DST: variants seen among roughly 807,000 people sequenced by gnomAD.
DST encodes the protein dystonin, also known as bullous pemphigoid antigen.
DST carries 253 observed loss-of-function variants against 875.2 expected under a neutral mutation model. The observed-to-expected ratio is 0.29, with a 90% CI of 0.26 to 0.32. The LOEUF (loss-of-function observed/expected upper bound fraction) is 0.32. Among genes scored for constraint, DST ranks in the 10% least tolerant of loss-of-function variants. DST has a pLI of 1.00. For missense variants in DST, 8,287 were observed against 9,111.6 expected, an observed-to-expected ratio of 0.91 and a Z score of 3.68; for synonymous variants, 3,124 against 3,197.1, an observed-to-expected ratio of 0.98 and a Z score of 0.77.
At position 56,497,905 on chromosome 6, in the gene DST, A is replaced by G. The variant is rs2152453308; in HGVS notation, c.20045T>C (p.Leu6682Ser). 1 of 1,612,862 alleles carries G rather than the reference A, an allele frequency of 6.2e-7. No homozygotes were observed. Among genetic ancestry groups the G allele is most frequent in the East Asian group, 2.2e-5 (1 of 44,868 alleles). The change falls in exon 81 of 104, where the codon TTG becomes TCG. Residue 6682 changes from leucine (L) to serine (S), a missense_variant. Leu to Ser is a moderately radical substitution (Grantham distance 145). Around this residue, in one of 10 missense-constraint regions of DST, gnomAD observed 1,292 missense variants for 1,552.7 expected, o/e 0.83. Coordinates refer to ENST00000680361, the MANE Select transcript of DST (RefSeq NM_001374736.1). ...EVLNQRWQNV[L>S]EKTEQRKQQL... ...CTGCTTCCTTTGTTCTGTTTTTTCC[A>G]AAACATTTTGCCAGCGTTGATTTAA...
Position 56,603,238 on chromosome 6 carries a change from C to A in DST, c.11124G>T (p.Thr3708=), listed in dbSNP as rs180724232. The A allele has an allele frequency of 5.6e-6, 9 of 1,605,540 alleles. No homozygotes were observed. The highest frequency in any genetic ancestry group is 7.7e-6 in the Non-Finnish European group (9 of 1,175,832). Residue 3708 remains threonine (T), a synonymous_variant, in exon 42 of 104, where the codon ACG becomes ACT. Coordinates refer to ENST00000680361, the MANE Select transcript of DST (RefSeq NM_001374736.1). ...SSLSNVSSER[T]KQIMLAIDSE... ...AGTCGATCGCAAGCATGATCTGTTT[C>A]GTTCTTTCTGAAGACACGTTGCTGA...
At chr6:56,730,280 A>C (rs2099492237) in intron 5 of DST, among the ~76,000 whole-genome samples, 1 of 152,166 alleles carries the variant, frequency 6.6e-6, no homozygotes, top group Non-Finnish European at 1.5e-5. Flanking sequence ...TTCTAATTCC[A>C]GGCCCAAGTA....
intron 3 of DST, among the ~76,000 whole-genome samples, chr6:56,884,978 C>T (rs1783995117): frequency 1.3e-5 from 2 of 152,214 alleles, no homozygotes; most frequent in South Asian, 4.1e-4. Flanking sequence ...GATCCGCCCA[C>T]CTCGGCCTCC....
At position 56,727,684 on chromosome 6, in the gene DST, C is replaced by T. The variant is rs555843607; in HGVS notation, c.687+7544G>A. 3.0e-4 allele frequency among the ~76,000 whole-genome samples: 45 copies of T among 152,276 alleles called. 2 individuals are homozygous for T. The South Asian group carries it at 9.3e-3, about 32-fold the overall frequency. On this transcript the variant is annotated intron_variant, in intron 5 of 103. Transcript: ENST00000680361. ...GCTACATAACAAGGCCAGGGCATACCAGCCAAGATAGAGTATATGAGGGAA... is the reference window on the plus strand; with the variant it reads ...GCTACATAACAAGGCCAGGGCATACTAGCCAAGATAGAGTATATGAGGGAA...
chr6:56,613,079 G>T (rs1331139072), intron 37 of DST, among the ~76,000 whole-genome samples: 2 of 151,872 alleles, frequency 1.3e-5, no homozygotes, highest in Admixed American at 6.6e-5. Context: ...AATACCAAGG[G>T]TTTATAATCA....
intron 2 of DST, among the ~76,000 whole-genome samples, chr6:56,923,463 CAA>C (rs57118743): frequency 6.2e-5 from 3 of 48,726 alleles, no homozygotes; most frequent in Admixed American, 2.5e-4. Flanking sequence ...GGCTCACTGG[CAA>C]AAAAAAAAAA....
rs150016359 is a variant in DST, at chr6:56,684,705, C to G, written c.1048-13898G>C. On this transcript the variant is annotated intron_variant, in intron 9 of 103. Transcript: ENST00000680361. Reference sequence around the variant, plus strand: ...CAGACTAATTTTTCTTCTGTTTCAGCAGCCACAGTAATCCAGCTTCCTCTC... The same window carrying G: ...CAGACTAATTTTTCTTCTGTTTCAGGAGCCACAGTAATCCAGCTTCCTCTC... 3.2e-3 allele frequency among the ~76,000 whole-genome samples: 487 copies of G among 152,322 alleles called. 5 individuals are homozygous for G. The highest frequency in any genetic ancestry group is 0.01 in the East Asian group (52 of 5,190).
intron 78 of DST, among the ~76,000 whole-genome samples, chr6:56,502,795 T>C (rs1312049831): frequency 2.0e-5 from 3 of 152,136 alleles, no homozygotes; most frequent in African/African-American, 7.2e-5. Flanking sequence ...AAATGAAATA[T>C]TCTATGTCAC....
At chr6:56,639,171 T>C (rs761909937) in intron 22 of DST, 88 bp downstream of exon 22, 9 of 1,161,990 alleles carry the variant, frequency 7.7e-6, no homozygotes, top group African/African-American at 1.5e-5. Context: ...AGATGGCTTG[T>C]AATTTTCAAC....
chr6:56,863,257 T>A (rs1250303361), intron 3 of DST: 1 of 152,212 alleles, frequency 6.6e-6, no homozygotes, highest in East Asian at 1.9e-4. Context: ...GTATAAACCA[T>A]CTTGTTCATT....
intron 8 of DST, among the ~76,000 whole-genome samples, chr6:56,701,048 T>C (rs2099301811): frequency 6.7e-6 from 1 of 149,324 alleles, no homozygotes; most frequent in Non-Finnish European, 1.5e-5. Context: ...ATTGCAATCA[T>C]GGCTCAACAC....
At chr6:56,727,098 T>TCACC (rs371831901) in intron 5 of DST, among the ~76,000 whole-genome samples, 2 of 152,296 alleles carry the variant, frequency 1.3e-5, no homozygotes, top group African/African-American at 4.8e-5. Context: ...CTATTCAAAG[T>TCACC]CACCCTCTGC....
intron 2 of DST, among the ~76,000 whole-genome samples, chr6:56,949,877 C>T (rs1821476612): frequency 6.6e-6 from 1 of 152,090 alleles, no homozygotes; most frequent in African/African-American, 2.4e-5. Context: ...TTTTGCTGGC[C>T]ATTCTCCAAT....
At chr6:56,682,936 G>C (rs2099163653) in intron 9 of DST, among the ~76,000 whole-genome samples, 1 of 152,164 alleles carries the variant, frequency 6.6e-6, no homozygotes, top group African/African-American at 2.4e-5. Flanking sequence ...ATAAAAGGAT[G>C]AGTTAACCCA....
At chr6:56,886,709 A>G (rs1284611474) in intron 3 of DST, among the ~76,000 whole-genome samples, 2 of 139,812 alleles carry the variant, frequency 1.4e-5, no homozygotes, top group African/African-American at 5.2e-5. Flanking sequence ...CAGGAGGTGG[A>G]GTTTGCGGTG....
chr6:56,790,888 CA>C (rs1259813536), intron 4 of DST, among the ~76,000 whole-genome samples: 1 of 152,150 alleles, frequency 6.6e-6, no homozygotes, highest in Non-Finnish European at 1.5e-5. Flanking sequence ...ACACTTTGGC[CA>C]ACAAGACCAA....
chr6:56,642,850 C>G, intron 15 of DST: 1 of 1,607,976 alleles, frequency 6.2e-7, no homozygotes, highest in Non-Finnish European at 8.5e-7. Context: ...GGTAGGAGGT[C>G]TGGAAAAAGC....
At chr6:56,801,381 G>A (rs991587404) in intron 4 of DST, among the ~76,000 whole-genome samples, 1 of 152,102 alleles carries the variant, frequency 6.6e-6, no homozygotes, top group Non-Finnish European at 1.5e-5. Context: ...GCTGTAGAAT[G>A]AGGAAATACC....
Position 56,458,415 on chromosome 6 carries a change from C to G in DST, c.*590G>C, listed in dbSNP as rs1417277593. The G allele has an allele frequency of 6.6e-6, 1 of 152,254 alleles. No individual in the cohort carries two copies. Among genetic ancestry groups the G allele is most frequent in the Non-Finnish European group, 1.5e-5 (1 of 68,080 alleles). The allele number at this position is 152,254 out of a possible 1,614,324, so 9.4% of individuals were successfully genotyped here. On this transcript the variant is annotated 3_prime_UTR_variant, in exon 104 of 104. Transcript: ENST00000680361. ...ATAATAGGTCTAATATCCAGGATGC[C>G]TCTGGCCTCATTGAAAGCAATGGCA...
Sources: gnomAD v4.1 joint callset for allele counts (sites outside exome capture counted in the v4.1 genomes callset) on GRCh38, gnomAD v4.1.1 for gene constraint, gnomAD v4.1.1 regional missense constraint, MANE v1.5 for transcripts, NCBI Gene and HGNC (gene_info 2026-07-23, HGNC 2026-07-21) for gene names.